EHMT1: variants seen among roughly 807,000 people sequenced by gnomAD.
EHMT1 encodes the protein euchromatic histone lysine methyltransferase 1, also known as histone-lysine N-methyltransferase EHMT1.
Under a neutral mutation model 147.2 loss-of-function variants are expected in EHMT1, and 15 were observed. That is an observed-to-expected ratio of 0.10 (90% CI 0.07 to 0.16). EHMT1 has a LOEUF of 0.16. EHMT1 is among the 10% of genes least tolerant of loss of function. The pLI, the probability that EHMT1 is intolerant of heterozygous loss-of-function variation, is 1.00. For synonymous variants in EHMT1, 795 were observed against 709.6 expected, an observed-to-expected ratio of 1.12 and a Z score of -1.91; for missense variants, 1,587 against 1,772.4, an observed-to-expected ratio of 0.90 and a Z score of 1.88.
In EHMT1 at chr9:137,813,692, C is replaced by T. The variant is rs74885358; in HGVS notation, c.3180+162C>T. Among the ~76,000 whole-genome samples, 1,442 of 152,254 alleles carry T rather than the reference C, an allele frequency of 9.5e-3. 22 individuals carry two copies. Among genetic ancestry groups the T allele is most frequent in the African/African-American group, 0.033 (1,355 of 41,542 alleles). On this transcript the variant is annotated intron_variant, in intron 21 of 26. Coordinates refer to ENST00000460843, the MANE Select transcript of EHMT1 (RefSeq NM_024757.5). The surrounding 1 kb of genome is among the most constrained non-coding windows in gnomAD (Gnocchi z 4.9). Reference sequence around the variant, plus strand: ...TTTGTAGTTGCCTCCCGTGAAAGAGCTGGAAGGCAGATAAAGGTTCTGTCA... The same window carrying T: ...TTTGTAGTTGCCTCCCGTGAAAGAGTTGGAAGGCAGATAAAGGTTCTGTCA...
intron 3 of EHMT1, 147 bp from the exon 4 acceptor site, chr9:137,728,202 C>T (rs866354074): frequency 4.9e-5 from 58 of 1,178,428 alleles, no homozygotes; most frequent in Middle Eastern, 2.2e-4. Flanking sequence ...GTGCTGTTTC[C>T]GCTTGCAGAC....
chr9:137,742,418 A>G (rs567931901), intron 4 of EHMT1, among the ~76,000 whole-genome samples: 1 of 151,852 alleles, frequency 6.6e-6, no homozygotes, highest in South Asian at 2.1e-4. Context: ...AAGCCTCCTC[A>G]GTAGCTGGGT....
At chr9:137,816,689 T>G (rs1456720531) in intron 23 of EHMT1, 1 of 167,132 alleles carries the variant, frequency 6.0e-6, no homozygotes, top group Non-Finnish European at 1.3e-5. Context: ...GGGAAAGTTA[T>G]GCACACTTAA....
At chr9:137,658,486 TC>T (rs1221126177) in intron 1 of EHMT1, among the ~76,000 whole-genome samples, 5 of 152,134 alleles carry the variant, frequency 3.3e-5, no homozygotes, top group Non-Finnish European at 7.4e-5. Context: ...AGAATTGCTT[TC>T]CCTGGTTCTT....
At chr9:137,743,865 G>T in intron 5 of EHMT1, 37 bp from the exon 6 acceptor site, 1 of 1,586,120 alleles carries the variant, frequency 6.3e-7, no homozygotes. Context: ...GATGCGCACT[G>T]ATCCTGCCTT....
Position 137,834,267 on chromosome 9 carries a change from C to T in EHMT1, c.3541-82C>T, listed in dbSNP as rs560511411. 2.2e-4 allele frequency: 352 copies of T among 1,569,176 alleles called. 1 individual carries two copies. In the African/African-American group the frequency reaches 4.3e-3, roughly 19 times the overall value. On this transcript the variant is annotated intron_variant, in intron 25 of 26. Transcript: ENST00000460843. ...CTGCGCCCAACTGCAGGCTCCGGGA[C>T]TGCCATGCATGGCCGTACCCGGCGA...
chr9:137,766,550 G>A (rs979983006), intron 10 of EHMT1, among the ~76,000 whole-genome samples: 3 of 152,184 alleles, frequency 2.0e-5, no homozygotes, highest in Non-Finnish European at 4.4e-5. Context: ...GGGAGGCGAC[G>A]GTTGCAGTGA....
At chr9:137,639,566 CTT>C (rs1844333108) in intron 1 of EHMT1, among the ~76,000 whole-genome samples, 1 of 152,190 alleles carries the variant, frequency 6.6e-6, no homozygotes, top group Non-Finnish European at 1.5e-5. Context: ...AAATGTCCCT[CTT>C]TGTCTCTATA....
intron 1 of EHMT1, among the ~76,000 whole-genome samples, chr9:137,634,140 T>G (rs1185594656): frequency 6.6e-6 from 1 of 152,174 alleles, no homozygotes; most frequent in Non-Finnish European, 1.5e-5. Context: ...ATGCCTTCCT[T>G]TGAAGCACAG....
intron 1 of EHMT1, among the ~76,000 whole-genome samples, chr9:137,632,366 C>T (rs1207099700): frequency 6.6e-6 from 1 of 152,184 alleles, no homozygotes; most frequent in Non-Finnish European, 1.5e-5. Context: ...GTAAGTCAAC[C>T]TTTCAGCCCC....
intron 10 of EHMT1, among the ~76,000 whole-genome samples, chr9:137,765,235 G>GT (rs1230047924): frequency 6.6e-6 from 1 of 152,220 alleles, no homozygotes; most frequent in Non-Finnish European, 1.5e-5. Flanking sequence ...TGCTAGGGCT[G>GT]TTTCGTACCT....
chr9:137,776,439 G>A lies in EHMT1; in HGVS notation c.1792-179G>A, dbSNP rs1950963949. On this transcript the variant is annotated intron_variant, in intron 11 of 26. Transcript: ENST00000460843. The surrounding 1 kb of genome is among the most constrained non-coding windows in gnomAD (Gnocchi z 4.4). ...CTTCTCTGTGGGGCGAGAGCACCAC[G>A]GGAAGCATCGTTCCTCCTTCTTAAC... 9.8e-6 allele frequency: 6 copies of A among 612,292 alleles called. No homozygotes were observed. The highest frequency in any genetic ancestry group is 3.7e-5 in the South Asian group (2 of 54,370). 37.9% of individuals were successfully genotyped at this position (612,292 alleles called of 1,614,324 possible). A position where few individuals can be genotyped will look rare whatever the true frequency, so the allele number is the denominator to read the frequency against.
chr9:137,834,801 A>G lies in EHMT1; in HGVS notation c.3745A>G (p.Ile1249Val). 6.2e-7 allele frequency: 1 copy of G among 1,613,006 alleles called. No homozygotes were observed. The change falls in exon 27 of 27, where the codon ATC becomes GTC. Residue 1249 changes from isoleucine (I) to valine (V), a missense_variant. Ile to Val is a conservative substitution (Grantham distance 29). Around this residue, in one of 7 missense-constraint regions of EHMT1, gnomAD observed 141 missense variants for 150.8 expected, o/e 0.94. Transcript: ENST00000460843. ...GFDYGERFWD[I>V]KGKLFSCRCG... ...TGACTATGGAGAGCGCTTCTGGGAC[A>G]TCAAAGGCAAGCTCTTCAGCTGCCG...
chr9:137,830,315 T>C (rs1956103592), intron 25 of EHMT1, among the ~76,000 whole-genome samples: 1 of 152,222 alleles, frequency 6.6e-6, no homozygotes, highest in Non-Finnish European at 1.5e-5. Context: ...GATGTCCTTG[T>C]GCTTTTGGAA....
chr9:137,765,484 T>C (rs1248028011), intron 10 of EHMT1, among the ~76,000 whole-genome samples: 1 of 152,234 alleles, frequency 6.6e-6, no homozygotes, highest in Admixed American at 6.5e-5. Flanking sequence ...GGCTCTCACT[T>C]ATTTTTTGGA....
chr9:137,749,461 T>C (rs944823206), intron 6 of EHMT1, among the ~76,000 whole-genome samples: 2 of 152,100 alleles, frequency 1.3e-5, no homozygotes, highest in East Asian at 3.8e-4. Flanking sequence ...ATTAATTTTT[T>C]TGTAGAGATG....
At chr9:137,697,925 C>G (rs1027679317) in intron 1 of EHMT1, among the ~76,000 whole-genome samples, 1 of 151,422 alleles carries the variant, frequency 6.6e-6, no homozygotes, top group Non-Finnish European at 1.5e-5. Flanking sequence ...GAGGATGGCA[C>G]TGTTGTGAGG....
intron 1 of EHMT1, among the ~76,000 whole-genome samples, chr9:137,634,868 A>ATTTTTTTTTTTTTTTTTTTTT (rs781056803): frequency 1.1e-5 from 1 of 92,104 alleles, no homozygotes; most frequent in African/African-American, 4.5e-5. Context: ...TGCCCAGCTA[A>ATTTTTTTTTTTTTTTTTTTTT]TTTTTTTTTT....
At chr9:137,685,867 T>C (rs1264481040) in intron 1 of EHMT1, among the ~76,000 whole-genome samples, 2 of 152,374 alleles carry the variant, frequency 1.3e-5, no homozygotes, top group South Asian at 4.1e-4. Context: ...TGTTTGCATA[T>C]CTTTGGAGAA....
Sources: gnomAD v4.1 joint callset for allele counts (sites outside exome capture counted in the v4.1 genomes callset) on GRCh38, gnomAD v4.1.1 for gene constraint, gnomAD v4.1.1 regional missense constraint, Gnocchi (gnomAD v3.1) non-coding constraint, MANE v1.5 for transcripts, NCBI Gene and HGNC (gene_info 2026-07-23, HGNC 2026-07-21) for gene names.